Variants in SGCD observed in about 807,000 individuals in gnomAD.
SGCD encodes the protein sarcoglycan delta, also known as delta-sarcoglycan.
Under a neutral mutation model 36.6 loss-of-function variants are expected in SGCD, and 18 were observed. That is an observed-to-expected ratio of 0.49 (90% CI 0.34 to 0.73). SGCD has a LOEUF of 0.73. SGCD is among the 30% of genes least tolerant of loss of function. The pLI, the probability that SGCD is intolerant of heterozygous loss-of-function variation, is 0.01. For synonymous variants in SGCD, 133 were observed against 130.6 expected (o/e 1.02, Z -0.12); for missense variants, 387 against 346.7 (o/e 1.12, Z -0.92).
At chr5:155,854,062 T>G in the SGCD span, among the ~76,000 whole-genome samples, 1 of 152,186 alleles carries the variant, frequency 6.6e-6, no homozygotes, top group Admixed American at 6.5e-5. Flanking sequence ...TAACCTTATT[T>G]TTTAAAAAAT....
intron 2 of SGCD, among the ~76,000 whole-genome samples, chr5:156,331,351 G>C (rs1391714307): frequency 1.3e-5 from 2 of 152,202 alleles, no homozygotes; most frequent in African/African-American, 4.8e-5. Flanking sequence ...CAGGTCTGTA[G>C]GACTGGGGAG....
intron 1 of SGCD, among the ~76,000 whole-genome samples, chr5:156,033,689 A>G (rs1759416567): frequency 6.6e-6 from 1 of 152,182 alleles, no homozygotes; most frequent in Non-Finnish European, 1.5e-5. Flanking sequence ...TGCAAATTAG[A>G]AACTAAGACT....
At chr5:155,914,880 A>G (rs967592020) in intron 1 of SGCD, among the ~76,000 whole-genome samples, 5 of 152,200 alleles carry the variant, frequency 3.3e-5, no homozygotes, top group African/African-American at 7.2e-5. Flanking sequence ...ATTCTTGGCA[A>G]ATTTTTAGTT....
intron 1 of SGCD, among the ~76,000 whole-genome samples, chr5:155,932,558 C>T (rs1757119590): frequency 6.6e-6 from 1 of 152,200 alleles, no homozygotes; most frequent in South Asian, 2.1e-4. Flanking sequence ...TACTCACCCT[C>T]AACATAACTG....
intron 7 of SGCD, among the ~76,000 whole-genome samples, chr5:156,714,382 G>A (rs1755130050): frequency 6.6e-6 from 1 of 152,234 alleles, no homozygotes; most frequent in African/African-American, 2.4e-5. Context: ...TTAAGCACAA[G>A]AAGGCTGACA....
At chr5:156,097,852 T>C (rs1269132688) in intron 1 of SGCD, among the ~76,000 whole-genome samples, 1 of 152,226 alleles carries the variant, frequency 6.6e-6, no homozygotes, top group Non-Finnish European at 1.5e-5. Context: ...TCTTTTTCAG[T>C]AGTCAGTCAC....
intron 1 of SGCD, among the ~76,000 whole-genome samples, chr5:156,032,992 G>T (rs1043690930): frequency 4.0e-5 from 6 of 151,848 alleles, no homozygotes; most frequent in Non-Finnish European, 8.8e-5. Flanking sequence ...CAGGAAGATC[G>T]TTTGAGCCTT....
At chr5:155,755,439 A>G in the SGCD span, among the ~76,000 whole-genome samples, 2 of 152,172 alleles carry the variant, frequency 1.3e-5, no homozygotes, top group African/African-American at 2.4e-5. Flanking sequence ...TTATAAAACA[A>G]TTTGTCTTGG....
chr5:156,688,297 A>G (rs1055547442), intron 7 of SGCD, among the ~76,000 whole-genome samples: 4 of 152,174 alleles, frequency 2.6e-5, no homozygotes, highest in Admixed American at 6.5e-5. Context: ...CGTTGAATGA[A>G]AGAGTGACCA....
At chr5:155,905,342 A>T (rs1020347835) in intron 1 of SGCD, among the ~76,000 whole-genome samples, 2 of 152,150 alleles carry the variant, frequency 1.3e-5, no homozygotes, top group African/African-American at 4.8e-5. Flanking sequence ...TAACCTTAGA[A>T]ATTATTAGTT....
rs10544582 is a variant in SGCD, at chr5:156,697,750, C to CGGATGGAT, written c.575+50252_575+50259dup. Among the ~76,000 whole-genome samples, 736 of 149,152 alleles carry CGGATGGAT rather than the reference C, an allele frequency of 4.9e-3. 3 individuals are homozygous for CGGATGGAT. Among genetic ancestry groups the CGGATGGAT allele is most frequent in the African/African-American group, 9.7e-3 (392 of 40,394 alleles). The stretch of plus-strand genomic sequence containing the variant: ...TGGAAGATAGTATTGGATGGACGGA[C>CGGATGGAT]GGATGGATGGATGGATGGATGGATG... On this transcript the variant is annotated intron_variant, in intron 7 of 8. Coordinates refer to ENST00000337851, the MANE Select transcript of SGCD (RefSeq NM_000337.6).
At chr5:156,370,530 T>A (rs1038669739) in intron 3 of SGCD, among the ~76,000 whole-genome samples, 2 of 152,346 alleles carry the variant, frequency 1.3e-5, no homozygotes, top group East Asian at 1.9e-4. Flanking sequence ...GAAGGGCCTA[T>A]TACTATTCTC....
intron 3 of SGCD, among the ~76,000 whole-genome samples, chr5:156,365,082 C>A (rs1237542112): frequency 6.6e-6 from 1 of 152,144 alleles, no homozygotes; most frequent in Non-Finnish European, 1.5e-5. Context: ...AAATGTGCAA[C>A]TCAATTTAAA....
At chr5:156,541,568 A>G (rs1375900296) in intron 4 of SGCD, among the ~76,000 whole-genome samples, 1 of 152,164 alleles carries the variant, frequency 6.6e-6, no homozygotes, top group East Asian at 1.9e-4. Context: ...AATTATTTTT[A>G]AACAAATGTG....
chr5:156,281,412 C>T (rs1325347584), intron 3 of SGCD, among the ~76,000 whole-genome samples: 1 of 152,076 alleles, frequency 6.6e-6, no homozygotes, highest in African/African-American at 2.4e-5. Flanking sequence ...GCACTGTTAG[C>T]AGGGTCGATG....
At chr5:156,526,399 C>T (rs1206546131) in intron 4 of SGCD, among the ~76,000 whole-genome samples, 1 of 152,130 alleles carries the variant, frequency 6.6e-6, no homozygotes, top group African/African-American at 2.4e-5. Flanking sequence ...ATGGCTTCTC[C>T]TCAGTAAGCA....
At chr5:156,182,734 G>A (rs560182130) in intron 3 of SGCD, among the ~76,000 whole-genome samples, 2 of 152,262 alleles carry the variant, frequency 1.3e-5, no homozygotes, top group Admixed American at 1.3e-4. Context: ...CATTTACATT[G>A]TGACTTTGCA....
chr5:156,443,946 C>T (rs1220977858), intron 3 of SGCD, among the ~76,000 whole-genome samples: 9 of 152,018 alleles, frequency 5.9e-5, no homozygotes, highest in Admixed American at 3.3e-4. Context: ...AATCTGCTAC[C>T]TTTATAAATC....
chr5:156,214,612 G>A (rs2127642595), intron 3 of SGCD, among the ~76,000 whole-genome samples: 1 of 151,960 alleles, frequency 6.6e-6, no homozygotes, highest in South Asian at 2.1e-4. Context: ...AAATTTTTAT[G>A]GAACCACAAA....
Sources: gnomAD v4.1 joint callset for allele counts (sites outside exome capture counted in the v4.1 genomes callset) on GRCh38, gnomAD v4.1.1 for gene constraint, MANE v1.5 for transcripts, NCBI Gene and HGNC (gene_info 2026-07-23, HGNC 2026-07-21) for gene names.